The following C3orf52 variants were observed in gnomAD, a reference collection of about 807,000 sequenced individuals.
The protein encoded by C3orf52 is TPA-induced transmembrane protein.
C3orf52 carries 22 observed loss-of-function variants against 24.8 expected under a neutral mutation model. That is an observed-to-expected ratio of 0.89 (90% CI 0.63 to 1.27). C3orf52 has a LOEUF of 1.27. C3orf52 is among the 50% of genes most tolerant of loss of function. The probability of loss-of-function intolerance (pLI) is 0.00; values close to 1 mark genes in which losing one functional copy is unlikely to be tolerated. For synonymous variants in C3orf52, 93 were observed against 100.2 expected (o/e 0.93, Z 0.43); for missense variants, 265 against 260.7 (o/e 1.02, Z -0.11).
rs1341978998 is a variant in C3orf52 at position 112,123,432 on chromosome 3, C to G, written c.*46+3870C>G. ...CCACCTTTTATTTGTTGGTGCTAAA[C>G]AAATGCTAGTCCAGCCACTTCACTA... On this transcript the variant is annotated intron_variant, in intron 4 of 4. Coordinates refer to the C3orf52 transcript ENST00000480282. 3 of 1,606,342 alleles carry G rather than the reference C, an allele frequency of 1.9e-6. No individual in the cohort carries two copies. In the Admixed American group the frequency reaches 5.0e-5, roughly 27 times the overall value.
At chr3:112,103,024 A>G in intron 3 of C3orf52, 59 bp downstream of exon 3, 1 of 1,541,244 alleles carries the variant, frequency 6.5e-7, no homozygotes, top group Non-Finnish European at 8.9e-7. Flanking sequence ...GAATTTTGCT[A>G]GAATAATTGG....
At chr3:112,121,382 T>G (rs2074196485), downstream of C3orf52, 1 of 152,218 alleles carries the variant, frequency 6.6e-6, no homozygotes, top group East Asian at 1.9e-4. Context: ...AAAAGATTTT[T>G]GTTTCTCTAT....
chr3:112,114,415 A>T (rs2074115113), intron 5 of C3orf52, among the ~76,000 whole-genome samples: 1 of 151,590 alleles, frequency 6.6e-6, no homozygotes, highest in South Asian at 2.1e-4. Flanking sequence ...AAAAAAAAAA[A>T]AAAAAAAGCC....
At chr3:112,099,248 T>C (rs2073951200) in intron 2 of C3orf52, among the ~76,000 whole-genome samples, 3 of 152,180 alleles carry the variant, frequency 2.0e-5, no homozygotes. Flanking sequence ...CTCAGGTAGT[T>C]CTTTATAGCA....
chr3:112,098,229 G>A (rs1490082516), intron 2 of C3orf52, among the ~76,000 whole-genome samples: 1 of 152,202 alleles, frequency 6.6e-6, no homozygotes, highest in Non-Finnish European at 1.5e-5. Flanking sequence ...GCAATTGTCT[G>A]ATCGTGGAAG....
At chr3:112,095,516 G>C (rs1158938760) in intron 2 of C3orf52, among the ~76,000 whole-genome samples, 1 of 152,166 alleles carries the variant, frequency 6.6e-6, no homozygotes, top group African/African-American at 2.4e-5. Context: ...ACCTCACAAA[G>C]AGCAGTCTGC....
downstream of C3orf52, chr3:112,129,730 C>T (rs1202190175): frequency 1.3e-5 from 2 of 152,180 alleles, no homozygotes; most frequent in African/African-American, 4.8e-5. Flanking sequence ...ATCTCTGGGT[C>T]TCCAGCCCCT....
rs1232284069 is a variant in C3orf52, at chr3:112,123,845, G to A, written c.*46+4283G>A. ...ACCTTTACATTTCAGTCTCAACACA[G>A]GCTTGACCCTTGGTCAAGTCTGTCT... is the stretch of plus-strand genomic sequence containing the variant. On this transcript the variant is annotated intron_variant, in intron 4 of 4. Coordinates refer to the C3orf52 transcript ENST00000480282. 6.1e-6 allele frequency: 9 copies of A among 1,486,004 alleles called. No individual in the cohort carries two copies. The Admixed American group carries it at 1.2e-4, about 21-fold the overall frequency. The allele number at this position is 1,486,004 out of a possible 1,614,324, so 92.1% of individuals were successfully genotyped here.
In C3orf52 at chr3:112,102,117, G is replaced by C. The variant is rs556748231; in HGVS notation, c.269-721G>C. ...TACCTGTCCTGTGAGACATAGTCTA[G>C]AGTGATGACTTCATGCTCATCCTCT... On this transcript the variant is annotated intron_variant, in intron 2 of 5. Transcript: ENST00000264848. Among the ~76,000 whole-genome samples the C allele has an allele frequency of 5.3e-5, 8 of 151,762 alleles. No individual in the cohort carries two copies. In the East Asian group the frequency reaches 1.4e-3, roughly 26 times the overall value.
At chr3:112,088,661 TTCTATCTA>T (rs148242711) in intron 1 of C3orf52, among the ~76,000 whole-genome samples, 9,195 of 151,928 alleles carry the variant, frequency 0.061, 376 homozygotes, top group African/African-American at 0.12. Flanking sequence ...TGTTGATTTA[TTCTATCTA>T]TCTATCTATC....
downstream of C3orf52, chr3:112,121,206 A>G (rs576914490): frequency 6.6e-6 from 1 of 152,328 alleles, no homozygotes; most frequent in Admixed American, 6.5e-5. Context: ...ATAACTTACT[A>G]TGTCATACTA....
chr3:112,100,995 A>AT (rs889477737), intron 2 of C3orf52, among the ~76,000 whole-genome samples: 1 of 152,054 alleles, frequency 6.6e-6, no homozygotes, highest in African/African-American at 2.4e-5. Context: ...GATTATTCGT[A>AT]TTTTTTTCTT....
chr3:112,133,021 T>C, downstream of C3orf52: 3 of 1,514,748 alleles, frequency 2.0e-6, no homozygotes, highest in Non-Finnish European at 2.7e-6. Flanking sequence ...TATACTAGCT[T>C]TCTTTTTCTC....
chr3:112,105,771 C>T lies in C3orf52; in HGVS notation c.396+2806C>T, dbSNP rs549067660. Reference sequence around the variant, plus strand: ...CCGGCAGGCAGAGCTTGCAGTGAGCCGAGACCGTGCCACTGCACTCCAGCC... The same window carrying T: ...CCGGCAGGCAGAGCTTGCAGTGAGCTGAGACCGTGCCACTGCACTCCAGCC... On this transcript the variant is annotated intron_variant, in intron 3 of 5. Transcript: ENST00000264848. Among the ~76,000 whole-genome samples, 258 of 147,596 alleles carry T rather than the reference C, an allele frequency of 1.7e-3. 5 individuals carry two copies. The highest frequency in any genetic ancestry group is 0.017 in the Admixed American group (241 of 14,546).
At chr3:112,119,498 A>G (rs1272882306), downstream of C3orf52, 1 of 702,992 alleles carries the variant, frequency 1.4e-6, no homozygotes, top group African/African-American at 1.7e-5. Context: ...ATCCTGAAGC[A>G]CTGGTGGGAT....
intron 1 of C3orf52, 125 bp downstream of exon 1, chr3:112,086,670 G>C: frequency 7.9e-7 from 1 of 1,262,324 alleles, no homozygotes; most frequent in South Asian, 1.5e-5. Flanking sequence ...GCGAGGGTGG[G>C]GCGCGCTCGA....
chr3:112,133,885 G>C (rs556502201), downstream of C3orf52: 1 of 152,266 alleles, frequency 6.6e-6, no homozygotes, highest in South Asian at 2.1e-4. Flanking sequence ...ACTGGCAAAG[G>C]TCCCACCCTC....
chr3:112,102,327 C>G (rs2073980401), intron 2 of C3orf52, among the ~76,000 whole-genome samples: 1 of 152,160 alleles, frequency 6.6e-6, no homozygotes, highest in Non-Finnish European at 1.5e-5. Flanking sequence ...GCAAACTCGT[C>G]AACCCTCTGG....
In C3orf52 at chr3:112,102,887, C is replaced by T; in HGVS notation, c.318C>T (p.Asn106=). The T allele has an allele frequency of 6.3e-7, 1 of 1,599,374 alleles. No individual in the cohort carries two copies. The highest frequency in any genetic ancestry group is 8.5e-7 in the Non-Finnish European group (1 of 1,172,230). Residue 106 remains asparagine (N), a synonymous_variant, in exon 3 of 6, where the codon AAC becomes AAT. Coordinates refer to ENST00000264848, the MANE Select transcript of C3orf52 (RefSeq NM_024616.3). ...DENEILELSS[N]KTFFIMLKIP... is the part of the protein sequence containing the mutation. Reference sequence around the variant, plus strand: ...ATGAAATACTTGAATTATCATCAAACAAAACATTCTTCATCATGCTGAAGA... The same window carrying T: ...ATGAAATACTTGAATTATCATCAAATAAAACATTCTTCATCATGCTGAAGA...
Sources: gnomAD v4.1 joint callset for allele counts (sites outside exome capture counted in the v4.1 genomes callset) on GRCh38, gnomAD v4.1.1 for gene constraint, MANE v1.5 for transcripts, NCBI Gene and HGNC (gene_info 2026-07-23, HGNC 2026-07-21) for gene names.